TBCCD1: variants seen among roughly 807,000 people sequenced by gnomAD.
TBCCD1 encodes the protein TBCC domain-containing protein 1.
TBCCD1 carries 26 observed loss-of-function variants against 53.4 expected under a neutral mutation model. The ratio of observed to expected loss-of-function variants is 0.49; its 90% CI spans 0.36 to 0.68. The LOEUF is 0.68. TBCCD1 is among the 30% of genes least tolerant of loss of function. TBCCD1 has a pLI of 0.00. For missense variants in TBCCD1, 558 were observed against 669.5 expected, an observed-to-expected ratio of 0.83 and a Z score of 1.84; for synonymous variants, 245 against 241.7, an observed-to-expected ratio of 1.01 and a Z score of -0.13.
chr3:186,564,335 C>T lies in TBCCD1; in HGVS notation c.-6G>A. 1 of 1,589,534 alleles carries T rather than the reference C, an allele frequency of 6.3e-7. No homozygotes were observed. The highest frequency in any genetic ancestry group is 8.6e-7 in the Non-Finnish European group (1 of 1,166,336). On this transcript the variant is annotated 5_prime_UTR_variant, in exon 2 of 8. Coordinates refer to ENST00000338733, the MANE Select transcript of TBCCD1 (RefSeq NM_018138.5). ...AGAACTCTGGACTGATCCATATTAT[C>T]TCTAAGGACATCAGGGTGAAAAGGC...
At position 186,564,419 on chromosome 3, in the gene TBCCD1, T is replaced by C. The variant is rs1714770648; in HGVS notation, c.-43-47A>G. The stretch of plus-strand genomic sequence containing the variant: ...TAAACTGATTTGAAACAAGTCTCAT[T>C]TATGCATTTTTTCTTGGAAGGTGAC... On this transcript the variant is annotated intron_variant, in intron 1 of 7. Transcript: ENST00000338733. 1.1e-5 allele frequency: 15 copies of C among 1,313,220 alleles called. 1 individual carries two copies. The South Asian group carries it at 1.9e-4, about 17-fold the overall frequency. The allele number at this position is 1,313,220 out of a possible 1,614,324, so 81.3% of individuals were successfully genotyped here.
chr3:186,558,584 G>A lies in TBCCD1; in HGVS notation c.337-12C>T. The stretch of plus-strand genomic sequence containing the variant: ...GTGTCCACTGAAAGCTGTCCAAGAA[G>A]AAAATAAAAGATGAATAGACGTTTT... On this transcript the variant is annotated splice_polypyrimidine_tract_variant and intron_variant, in intron 2 of 7. Coordinates refer to ENST00000338733, the MANE Select transcript of TBCCD1 (RefSeq NM_018138.5). 6.2e-7 allele frequency: 1 copy of A among 1,610,482 alleles called. No homozygotes were observed. Among genetic ancestry groups the A allele is most frequent in the Non-Finnish European group, 8.5e-7 (1 of 1,178,678 alleles).
chr3:186,560,374 A>C (rs1714661069), intron 2 of TBCCD1, among the ~76,000 whole-genome samples: 1 of 152,224 alleles, frequency 6.6e-6, no homozygotes, highest in Non-Finnish European at 1.5e-5. Flanking sequence ...AACGTTGTTT[A>C]GATATGACCC....
At chr3:186,570,023 G>C (rs1271801129), upstream of TBCCD1, 2 of 601,982 alleles carry the variant, frequency 3.3e-6, no homozygotes, top group Non-Finnish European at 6.1e-6. Context: ...AAAATTCACA[G>C]AACTGCCAAT....
chr3:186,564,084 A>G lies in TBCCD1; in HGVS notation c.246T>C (p.Leu82=). 1 of 1,614,188 alleles carries G rather than the reference A, an allele frequency of 6.2e-7. No homozygotes were observed. The highest frequency in any genetic ancestry group is 2.2e-5 in the East Asian group (1 of 44,892). Residue 82 remains leucine (L), a synonymous_variant, in exon 2 of 8, where the codon CTT becomes CTC. Coordinates refer to ENST00000338733, the MANE Select transcript of TBCCD1 (RefSeq NM_018138.5). ...AWLYFEIFDS[L]SMKTPEERLE... ...GGCGCTCCTCAGGTGTCTTCATTGA[A>G]AGACTATCAAATATTTCGAAGTAAA... is the stretch of plus-strand genomic sequence containing the variant.
At chr3:186,557,307 G>C (rs1437232453) in intron 3 of TBCCD1, among the ~76,000 whole-genome samples, 1 of 152,178 alleles carries the variant, frequency 6.6e-6, no homozygotes, top group Non-Finnish European at 1.5e-5. Flanking sequence ...GCCTAGAGAA[G>C]TTAACTGACT....
chr3:186,562,126 G>A (rs556072930), intron 2 of TBCCD1, among the ~76,000 whole-genome samples: 25 of 152,280 alleles, frequency 1.6e-4, no homozygotes, highest in African/African-American at 5.8e-4. Flanking sequence ...AGGATCACTT[G>A]AGGCCAAGAG....
intron 6 of TBCCD1, 47 bp downstream of exon 6, chr3:186,554,207 T>C: frequency 6.3e-7 from 1 of 1,598,858 alleles, no homozygotes; most frequent in Non-Finnish European, 8.5e-7. Flanking sequence ...TGTTTCTCCA[T>C]GGAGTTTCAC....
chr3:186,562,742 G>T (rs1430374002), intron 2 of TBCCD1, among the ~76,000 whole-genome samples: 1 of 151,642 alleles, frequency 6.6e-6, no homozygotes, highest in Non-Finnish European at 1.5e-5. Context: ...GGGAACCTAT[G>T]GGGGGTGATG....
chr3:186,562,574 G>A (rs776460548), intron 2 of TBCCD1, among the ~76,000 whole-genome samples: 1 of 152,020 alleles, frequency 6.6e-6, no homozygotes, highest in Non-Finnish European at 1.5e-5. Flanking sequence ...CAAAGTTTCC[G>A]TTATGCAAGA....
intron 2 of TBCCD1, among the ~76,000 whole-genome samples, chr3:186,559,311 A>G (rs1714630343): frequency 6.6e-6 from 1 of 152,244 alleles, no homozygotes; most frequent in Non-Finnish European, 1.5e-5. Context: ...AAAGTTTAGG[A>G]TACCAGTGCA....
upstream of TBCCD1, among the ~76,000 whole-genome samples, chr3:186,569,013 C>T (rs1171450206): frequency 6.6e-6 from 1 of 151,906 alleles, no homozygotes; most frequent in Non-Finnish European, 1.5e-5. Context: ...GAGGTGGCGA[C>T]CTTTAAGCTG....
At chr3:186,549,270 A>G (rs972656871) in intron 7 of TBCCD1, among the ~76,000 whole-genome samples, 7 of 152,226 alleles carry the variant, frequency 4.6e-5, no homozygotes, top group Non-Finnish European at 1.0e-4. Flanking sequence ...TTTGGGGGAC[A>G]GAGTGAGACT....
At chr3:186,550,154 G>A (rs900848067) in intron 7 of TBCCD1, among the ~76,000 whole-genome samples, 8 of 151,432 alleles carry the variant, frequency 5.3e-5, no homozygotes, top group Non-Finnish European at 1.0e-4. Context: ...TTGAACCGGG[G>A]GAGCGGAGCT....
upstream of TBCCD1, among the ~76,000 whole-genome samples, chr3:186,568,855 A>C (rs934167556): frequency 6.6e-6 from 1 of 151,344 alleles, no homozygotes; most frequent in African/African-American, 2.4e-5. Flanking sequence ...GTGAGCCAAG[A>C]TCACGCTACT....
intron 1 of TBCCD1, among the ~76,000 whole-genome samples, chr3:186,566,430 G>T (rs1714834032): frequency 6.6e-6 from 1 of 152,168 alleles, no homozygotes; most frequent in Admixed American, 6.5e-5. Flanking sequence ...TCATGCTCAT[G>T]ATTTTGCATA....
At chr3:186,566,041 C>CTT (rs1178917141) in intron 1 of TBCCD1, among the ~76,000 whole-genome samples, 10 of 144,742 alleles carry the variant, frequency 6.9e-5, no homozygotes, top group Non-Finnish European at 7.6e-5. Context: ...GTGCTTCTCT[C>CTT]TTTTTTTTTT....
intron 7 of TBCCD1, 92 bp downstream of exon 7, chr3:186,551,037 T>G (rs997719582): frequency 2.2e-6 from 3 of 1,351,270 alleles, no homozygotes; most frequent in East Asian, 2.4e-5. Flanking sequence ...AGAAAAAATT[T>G]GGGCATGTTT....
Position 186,546,966 on chromosome 3 carries a change from A to G in TBCCD1, c.*22-11T>C, listed in dbSNP as rs1296792691. The G allele has an allele frequency of 1.3e-5, 2 of 152,186 alleles. No individual in the cohort carries two copies. The highest frequency in any genetic ancestry group is 1.3e-4 in the Admixed American group (2 of 15,278). 9.4% of individuals were successfully genotyped at this position (152,186 alleles called of 1,614,324 possible). ...TGTATTTCCAGGGCCCTGAAGATCA[A>G]AGAAAAAATAATATTAATCACTTAA... On this transcript the variant is annotated splice_polypyrimidine_tract_variant and intron_variant, in intron 7 of 7. Coordinates refer to ENST00000338733, the MANE Select transcript of TBCCD1 (RefSeq NM_018138.5).
Sources: gnomAD v4.1 joint callset for allele counts (sites outside exome capture counted in the v4.1 genomes callset) on GRCh38, gnomAD v4.1.1 for gene constraint, MANE v1.5 for transcripts, NCBI Gene and HGNC (gene_info 2026-07-23, HGNC 2026-07-21) for gene names.